Variants in BIN3 observed in about 807,000 individuals in gnomAD.
BIN3 encodes bridging integrator 3.
A neutral mutation model predicts 38.2 loss-of-function variants in BIN3; 41 were observed. The ratio of observed to expected loss-of-function variants is 1.07; its 90% CI spans 0.84 to 1.39. BIN3 has a LOEUF of 1.39. BIN3 is among the 40% of genes most tolerant of loss of function. The pLI, the probability that BIN3 is intolerant of heterozygous loss-of-function variation, is 0.00. For synonymous variants in BIN3, 145 were observed against 122.6 expected (o/e 1.18, Z -1.21); for missense variants, 361 against 324.3 (o/e 1.11, Z -0.87).
intron 1 of BIN3, among the ~76,000 whole-genome samples, chr8:22,645,529 G>GGGGGA (rs1189506952): frequency 1.3e-5 from 2 of 149,102 alleles, no homozygotes; most frequent in Non-Finnish European, 3.0e-5. Flanking sequence ...GGGAAGGGGA[G>GGGGGA]GGGGAGGAAA....
chr8:22,655,005 C>T (rs1320335392), intron 1 of BIN3, among the ~76,000 whole-genome samples: 1 of 152,194 alleles, frequency 6.6e-6, no homozygotes, highest in East Asian at 1.9e-4. Flanking sequence ...TCATTTTAGC[C>T]ATCCTAGTGG....
Position 22,621,445 on chromosome 8 carries a change from G to C in BIN3, c.739C>G (p.Leu247Val), listed in dbSNP as rs371797360. 199 of 1,613,494 alleles carry C rather than the reference G, an allele frequency of 1.2e-4. No homozygotes were observed. The highest frequency in any genetic ancestry group is 1.6e-4 in the Non-Finnish European group (186 of 1,179,792). The change falls in exon 9 of 9, where the codon CTC becomes GTC. Residue 247 changes from leucine (L) to valine (V), a missense_variant. Physicochemically the swap from Leu to Val is conservative, Grantham distance 32 (BLOSUM62 1). Transcript: ENST00000276416. ...ATTCAGTCATCGGCCACAATGGAGAGGGCCCGGAGCTCACTGAGTTTGGCC... is the reference window on the plus strand; with the variant it reads ...ATTCAGTCATCGGCCACAATGGAGACGGCCCGGAGCTCACTGAGTTTGGCC... Reference protein sequence around the residue: ...NEAKLSELRALSIVADD With the variant: ...NEAKLSELRAVSIVADD
At chr8:22,663,210 G>A (rs1162102987) in intron 1 of BIN3, among the ~76,000 whole-genome samples, 4 of 83,098 alleles carry the variant, frequency 4.8e-5, no homozygotes, top group Non-Finnish European at 8.9e-5. Context: ...AAGTATAAGT[G>A]TGTGTGTGTG....
At chr8:22,639,639 T>C (rs141745181) in intron 2 of BIN3, among the ~76,000 whole-genome samples, 39 of 152,226 alleles carry the variant, frequency 2.6e-4, no homozygotes, top group African/African-American at 9.4e-4. Flanking sequence ...GCCTGGCCCA[T>C]GGCAGTCCTC....
At chr8:22,655,927 T>C (rs1383946884) in intron 1 of BIN3, among the ~76,000 whole-genome samples, 2 of 152,190 alleles carry the variant, frequency 1.3e-5, no homozygotes, top group African/African-American at 4.8e-5. Context: ...TAATCTACCC[T>C]TTTGCCAATA....
At chr8:22,639,030 AGGAACGGAAAGACTCT>A (rs1802456625) in intron 2 of BIN3, among the ~76,000 whole-genome samples, 1 of 152,194 alleles carries the variant, frequency 6.6e-6, no homozygotes, top group African/African-American at 2.4e-5. Flanking sequence ...TCTTAGCTAA[AGGAACGGAAAGACTCT>A]GGTGTAACTG....
At chr8:22,655,433 C>A (rs937956584) in intron 1 of BIN3, among the ~76,000 whole-genome samples, 2 of 152,126 alleles carry the variant, frequency 1.3e-5, no homozygotes, top group Non-Finnish European at 2.9e-5. Flanking sequence ...GTCATTGATC[C>A]ATTTTGAGTT....
At chr8:22,668,562 C>T (rs1320011935) in intron 1 of BIN3, among the ~76,000 whole-genome samples, 1 of 152,186 alleles carries the variant, frequency 6.6e-6, no homozygotes, top group Non-Finnish European at 1.5e-5. Context: ...TTTTCCTTGT[C>T]TTTTGAAGCC....
rs1183376800 is a variant in BIN3 at position 22,620,473 on chromosome 8, TGA to T, written c.*947_*948del. 160 of 129,974 alleles carry T rather than the reference TGA, an allele frequency of 1.2e-3. No individual in the cohort carries two copies. Among genetic ancestry groups the T allele is most frequent in the African/African-American group, 4.1e-3 (149 of 36,622 alleles). 8.1% of individuals were successfully genotyped at this position (129,974 alleles called of 1,614,324 possible). A position where few individuals can be genotyped will look rare whatever the true frequency, so the allele number is the denominator to read the frequency against. ...AAATAAACCAAAGTCAAAAACAAAC[TGA>T]GAGTGTGTCCTCCACAGCTCTTCCT... On this transcript the variant is annotated 3_prime_UTR_variant, in exon 9 of 9. Transcript: ENST00000276416.
chr8:22,654,257 T>TGGTCC (rs1802989761), intron 1 of BIN3, among the ~76,000 whole-genome samples: 2 of 152,240 alleles, frequency 1.3e-5, no homozygotes, highest in Non-Finnish European at 2.9e-5. Flanking sequence ...AAAACTGCTT[T>TGGTCC]ACTGTGCTTT....
At chr8:22,631,533 C>A (rs1016343195) in intron 4 of BIN3, among the ~76,000 whole-genome samples, 5 of 152,176 alleles carry the variant, frequency 3.3e-5, no homozygotes, top group African/African-American at 1.2e-4. Context: ...GCAGATTAGG[C>A]GCAAAAGGGT....
chr8:22,625,615 T>C, intron 6 of BIN3: 1 of 575,350 alleles, frequency 1.7e-6, no homozygotes, highest in Non-Finnish European at 3.1e-6. Flanking sequence ...TGAGACAGAG[T>C]CTTGCTCTCT....
At chr8:22,625,246 A>G in intron 6 of BIN3, 1 of 697,632 alleles carries the variant, frequency 1.4e-6, no homozygotes, top group African/African-American at 1.7e-5. Flanking sequence ...TGCTCTCCTG[A>G]GGCTCTCGCT....
At chr8:22,661,352 C>CTTTTTTTTTTTTTTTTTTTTTTTTTTT (rs751194383) in intron 1 of BIN3, among the ~76,000 whole-genome samples, 1 of 84,448 alleles carries the variant, frequency 1.2e-5, no homozygotes. Flanking sequence ...ATGTATCATT[C>CTTTTTTTTTTTTTTTTTTTTTTTTTTT]TTTTTTTTTT....
rs1453084270 is a variant in BIN3 at position 22,621,397 on chromosome 8, G to C, written c.*25C>G. On this transcript the variant is annotated 3_prime_UTR_variant, in exon 9 of 9. Transcript: ENST00000276416. ...GATGAATGAGGCTGACCACGTCACAGGAGTCCTCCAAGAGTGACGGGGATT... is the reference window on the plus strand; with the variant it reads ...GATGAATGAGGCTGACCACGTCACACGAGTCCTCCAAGAGTGACGGGGATT... 2 of 1,606,022 alleles carry C rather than the reference G, an allele frequency of 1.2e-6. No individual in the cohort carries two copies. The highest frequency in any genetic ancestry group is 2.2e-5 in the East Asian group (1 of 44,606).
intron 2 of BIN3, among the ~76,000 whole-genome samples, chr8:22,643,577 G>C (rs563991649): frequency 6.6e-6 from 1 of 152,330 alleles, no homozygotes; most frequent in African/African-American, 2.4e-5. Flanking sequence ...CCAAAGTGTT[G>C]GATTACAGGC....
intron 1 of BIN3, among the ~76,000 whole-genome samples, chr8:22,654,838 T>C (rs1358166313): frequency 6.6e-6 from 1 of 152,246 alleles, no homozygotes; most frequent in Non-Finnish European, 1.5e-5. Context: ...CTTGGGCATA[T>C]ATCTAGGAGC....
At chr8:22,666,484 C>T (rs969094121) in intron 1 of BIN3, among the ~76,000 whole-genome samples, 4 of 152,120 alleles carry the variant, frequency 2.6e-5, no homozygotes, top group Non-Finnish European at 2.9e-5. Context: ...AATCTGTGAT[C>T]TGAGATGTGA....
chr8:22,647,072 T>G (rs1802736975), intron 1 of BIN3, among the ~76,000 whole-genome samples: 1 of 152,228 alleles, frequency 6.6e-6, no homozygotes, highest in Non-Finnish European at 1.5e-5. Flanking sequence ...TCAATCTCTC[T>G]GGAGCCCAGT....
Sources: gnomAD v4.1 joint callset for allele counts (sites outside exome capture counted in the v4.1 genomes callset) on GRCh38, gnomAD v4.1.1 for gene constraint, MANE v1.5 for transcripts, NCBI Gene and HGNC (gene_info 2026-07-23, HGNC 2026-07-21) for gene names.